ABCB5: variants seen among roughly 807,000 people sequenced by gnomAD.
The protein encoded by ABCB5 is ATP-binding cassette sub-family B member 5.
In ABCB5, 155 loss-of-function variants were observed where a neutral mutation model predicts 144.2. That is an observed-to-expected ratio of 1.08 (90% CI 0.94 to 1.23). ABCB5 has a LOEUF of 1.23. Ranked by LOEUF, ABCB5 falls within the 50% of genes most tolerant of loss-of-function variation. ABCB5 has a pLI of 0.00. For synonymous variants in ABCB5, 610 were observed against 528.6 expected (o/e 1.15, Z -2.11); for missense variants, 1,830 against 1,520.8 (o/e 1.20, Z -3.38).
At chr7:20,726,941 A>G in intron 21 of ABCB5, 99 bp from the exon 22 acceptor site, 1 of 677,140 alleles carries the variant, frequency 1.5e-6, no homozygotes, top group Non-Finnish European at 2.3e-6. Flanking sequence ...GACTTGATAT[A>G]CTTAATATGT....
intron 12 of ABCB5, among the ~76,000 whole-genome samples, chr7:20,650,816 G>A (rs1014242228): frequency 6.6e-6 from 1 of 152,156 alleles, no homozygotes; most frequent in Non-Finnish European, 1.5e-5. Context: ...TGAGTGTTAT[G>A]TGTATAAAAG....
intron 25 of ABCB5, among the ~76,000 whole-genome samples, chr7:20,744,012 GTCA>G (rs1562590187): frequency 6.6e-6 from 1 of 151,924 alleles, no homozygotes; most frequent in African/African-American, 2.4e-5. Context: ...CACTCCCCAC[GTCA>G]TCATGCACTG....
intron 14 of ABCB5, among the ~76,000 whole-genome samples, chr7:20,670,334 C>A (rs1157752735): frequency 1.3e-5 from 2 of 150,028 alleles, no homozygotes; most frequent in Non-Finnish European, 3.0e-5. Context: ...AAGCTTCCTG[C>A]ACTATCTTTG....
intron 26 of ABCB5, among the ~76,000 whole-genome samples, chr7:20,747,787 A>G (rs1398405126): frequency 6.6e-6 from 1 of 152,184 alleles, no homozygotes; most frequent in Non-Finnish European, 1.5e-5. Flanking sequence ...CCCCAAAAAC[A>G]CGTAGAAAAA....
chr7:20,656,749 G>C (rs141452760), intron 13 of ABCB5, among the ~76,000 whole-genome samples: 18 of 151,852 alleles, frequency 1.2e-4, no homozygotes, highest in African/African-American at 4.1e-4. Context: ...TCTATTCCTA[G>C]GTATTTATTC....
At chr7:20,685,658 C>A in intron 15 of ABCB5, 38 bp from the exon 16 acceptor site, 2 of 1,525,142 alleles carry the variant, frequency 1.3e-6, no homozygotes, top group Non-Finnish European at 8.9e-7. Flanking sequence ...ATTTTTAAGG[C>A]ATTCTTATAA....
intron 16 of ABCB5, among the ~76,000 whole-genome samples, chr7:20,698,012 T>A (rs1786483764): frequency 6.6e-6 from 1 of 152,238 alleles, no homozygotes; most frequent in Non-Finnish European, 1.5e-5. Flanking sequence ...CTTCCACATT[T>A]TCTTTTCTTA....
At chr7:20,635,168 C>T (rs1018215990) in intron 5 of ABCB5, among the ~76,000 whole-genome samples, 7 of 152,080 alleles carry the variant, frequency 4.6e-5, no homozygotes, top group Non-Finnish European at 7.4e-5. Context: ...ATGTCCTTTT[C>T]CCAGTGTATG....
chr7:20,651,695 AAAC>A lies in ABCB5; in HGVS notation c.1536+79_1536+81del, dbSNP rs1784600733. 1.4e-5 allele frequency: 20 copies of A among 1,467,526 alleles called. No homozygotes were observed. The South Asian group carries it at 1.9e-4, about 14-fold the overall frequency. 90.9% of individuals were successfully genotyped at this position (1,467,526 alleles called of 1,614,324 possible). A position where few individuals can be genotyped will look rare whatever the true frequency, so the allele number is the denominator to read the frequency against. The stretch of plus-strand genomic sequence containing the variant: ...TGCGACATTCCAATATAAGGTAATG[AAAC>A]AACAACTGATGCAGAATAGTAGGGG... On this transcript the variant is annotated intron_variant, in intron 13 of 27. Transcript: ENST00000404938.
At chr7:20,636,446 T>C (rs1165910730) in intron 5 of ABCB5, among the ~76,000 whole-genome samples, 1 of 152,100 alleles carries the variant, frequency 6.6e-6, no homozygotes, top group African/African-American at 2.4e-5. Flanking sequence ...ATAGTACTTG[T>C]TATACCATTA....
At chr7:20,707,633 T>C (rs1219612013) in intron 20 of ABCB5, among the ~76,000 whole-genome samples, 1 of 152,192 alleles carries the variant, frequency 6.6e-6, no homozygotes, top group Non-Finnish European at 1.5e-5. Flanking sequence ...GTGCATTTGA[T>C]ATACCACAGA....
intron 1 of ABCB5, among the ~76,000 whole-genome samples, chr7:20,619,686 GGTCCCATCT>G (rs1431740096): frequency 6.6e-6 from 1 of 152,088 alleles, no homozygotes; most frequent in Non-Finnish European, 1.5e-5. Context: ...AGTTTACTTA[GGTCCCATCT>G]GCCAATTTTT....
intron 20 of ABCB5, among the ~76,000 whole-genome samples, chr7:20,708,841 A>T (rs1393416886): frequency 6.6e-6 from 1 of 152,178 alleles, no homozygotes; most frequent in Non-Finnish European, 1.5e-5. Context: ...TATTTTAACC[A>T]TCAGTTGTAA....
At chr7:20,653,067 C>G (rs1425324790) in intron 13 of ABCB5, among the ~76,000 whole-genome samples, 2 of 152,098 alleles carry the variant, frequency 1.3e-5, no homozygotes, top group South Asian at 4.2e-4. Flanking sequence ...CACACATTTC[C>G]TTTTGTTGAT....
chr7:20,705,978 C>T lies in ABCB5; in HGVS notation c.2421+1171C>T, dbSNP rs549985812. On this transcript the variant is annotated intron_variant, in intron 20 of 27. Coordinates refer to ENST00000404938, the MANE Select transcript of ABCB5 (RefSeq NM_001163941.2). ...AGAAAGAGCTCGAGAGGAAAGTGGG[C>T]ATCTTCATCTCTTCCTGAAATTCAT... 5.3e-5 allele frequency among the ~76,000 whole-genome samples: 8 copies of T among 152,180 alleles called. No homozygotes were observed. In the East Asian group the frequency reaches 1.5e-3, roughly 29 times the overall value.
At chr7:20,638,488 C>T (rs911370938) in intron 5 of ABCB5, among the ~76,000 whole-genome samples, 4 of 152,218 alleles carry the variant, frequency 2.6e-5, no homozygotes, top group African/African-American at 9.6e-5. Context: ...TATCCTCCTA[C>T]AAAGATCTTC....
chr7:20,689,392 G>A (rs781361254), intron 16 of ABCB5, among the ~76,000 whole-genome samples: 50 of 152,184 alleles, frequency 3.3e-4, no homozygotes, highest in Non-Finnish European at 6.6e-4. Flanking sequence ...CCACAGGACG[G>A]TGCTGAGCTT....
chr7:20,739,211 G>C (rs569373177), intron 24 of ABCB5, 72 bp downstream of exon 24: 25 of 1,391,022 alleles, frequency 1.8e-5, no homozygotes, highest in Admixed American at 6.3e-5. Context: ...ACTGAAGATG[G>C]GAGGGAGAGA....
intron 20 of ABCB5, among the ~76,000 whole-genome samples, chr7:20,715,157 G>A (rs1426586729): frequency 6.6e-6 from 1 of 152,002 alleles, no homozygotes; most frequent in South Asian, 2.1e-4. Flanking sequence ...CAATTCTCCT[G>A]CCTCAGCCTC....
Sources: gnomAD v4.1 joint callset for allele counts (sites outside exome capture counted in the v4.1 genomes callset) on GRCh38, gnomAD v4.1.1 for gene constraint, MANE v1.5 for transcripts, NCBI Gene and HGNC (gene_info 2026-07-23, HGNC 2026-07-21) for gene names.